The following SLC14A2 variants were observed in gnomAD, a reference collection of about 807,000 sequenced individuals.
SLC14A2 encodes urea transporter 2.
A neutral mutation model predicts 104.6 loss-of-function variants in SLC14A2; 91 were observed. The observed-to-expected ratio is 0.87, with a 90% confidence interval of 0.73 to 1.04. The LOEUF is 1.04. SLC14A2 is among the 50% of genes least tolerant of loss of function. The pLI is 0.00. For synonymous variants in SLC14A2, 476 were observed against 466.4 expected (o/e 1.02, Z -0.27); for missense variants, 1,189 against 1,156.0 (o/e 1.03, Z -0.41).
intron 2 of SLC14A2, among the ~76,000 whole-genome samples, chr18:45,585,155 C>G (rs910456095): frequency 6.7e-6 from 1 of 148,700 alleles, no homozygotes; most frequent in Non-Finnish European, 1.5e-5. Context: ...TCCTCCTCCT[C>G]CTTCCTGGGC....
intron 1 of SLC14A2, among the ~76,000 whole-genome samples, chr18:45,341,978 T>C (rs1197212144): frequency 6.6e-6 from 1 of 152,194 alleles, no homozygotes; most frequent in African/African-American, 2.4e-5. Flanking sequence ...CCTGGAGTTA[T>C]AGTGTTGTTC....
intron 2 of SLC14A2, among the ~76,000 whole-genome samples, chr18:45,508,008 G>A (rs933853723): frequency 3.3e-5 from 5 of 152,186 alleles, no homozygotes; most frequent in African/African-American, 1.2e-4. Flanking sequence ...TATAATGCAA[G>A]CTTAAAATAG....
chr18:45,635,723 AG>A (rs1318393521), intron 5 of SLC14A2, among the ~76,000 whole-genome samples: 5 of 152,208 alleles, frequency 3.3e-5, no homozygotes, highest in Non-Finnish European at 7.3e-5. Flanking sequence ...ATCAGGTTAA[AG>A]GGGGAAGATG....
chr18:45,673,720 C>G lies in SLC14A2; in HGVS notation c.2415C>G (p.Phe805Leu), dbSNP rs748825192. 1.4e-5 allele frequency: 22 copies of G among 1,614,030 alleles called. No individual in the cohort carries two copies. The East Asian group carries it at 4.9e-4, about 36-fold the overall frequency. ...CGACGCCCTTTGACTCCATCTACTT[C>G]GGCCTGTGTGGCTTCAACAGCACCC... Reference protein sequence around the residue: ...TIATPFDSIYFGLCGFNSTLA... With the variant: ...TIATPFDSIYLGLCGFNSTLA... The change falls in exon 18 of 20, where the codon TTC (phenylalanine) becomes TTG (leucine). Residue 805 changes from phenylalanine to leucine, a missense_variant. Transcript: ENST00000255226.
At chr18:45,625,916 A>G (rs1034855531) in intron 3 of SLC14A2, 53 bp downstream of exon 3, 24 of 1,296,046 alleles carry the variant, frequency 1.9e-5, no homozygotes, top group Admixed American at 3.7e-5. Context: ...CCAGAGAGAC[A>G]ACCCTCTCTC....
intron 5 of SLC14A2, chr18:45,634,776 T>C (rs1371382551): frequency 4.4e-6 from 2 of 456,422 alleles, no homozygotes; most frequent in South Asian, 3.1e-5. Context: ...TAGGCAGAGA[T>C]GTGATGGGAT....
chr18:45,578,921 C>A (rs898798059), intron 2 of SLC14A2, among the ~76,000 whole-genome samples: 1 of 152,210 alleles, frequency 6.6e-6, no homozygotes, highest in Non-Finnish European at 1.5e-5. Context: ...TGTCTGTGGG[C>A]AGCTAGAAGG....
chr18:45,634,273 G>A (rs942170815), intron 5 of SLC14A2, among the ~76,000 whole-genome samples: 2 of 152,188 alleles, frequency 1.3e-5, no homozygotes, highest in Admixed American at 6.5e-5. Flanking sequence ...TTGAGTGAAA[G>A]GTTGACCCTA....
In SLC14A2 at chr18:45,360,506, G is replaced by A. The variant is rs540099573; in HGVS notation, c.-124-122727G>A. Among the ~76,000 whole-genome samples the A allele has an allele frequency of 5.9e-5, 9 of 152,344 alleles. No homozygotes were observed. The South Asian group carries it at 1.9e-3, about 32-fold the overall frequency. ...CAAGCCACTCAGATCCTCAATGCCAGTTATAAGCAACATCCCATTTTCTAA... is the reference window on the plus strand; with the variant it reads ...CAAGCCACTCAGATCCTCAATGCCAATTATAAGCAACATCCCATTTTCTAA... On this transcript the variant is annotated intron_variant, in intron 1 of 20. Transcript: ENST00000586448.
intron 2 of SLC14A2, among the ~76,000 whole-genome samples, chr18:45,584,727 CTG>C (rs2044543472): frequency 6.6e-6 from 1 of 152,162 alleles, no homozygotes; most frequent in South Asian, 2.1e-4. Flanking sequence ...AGCTCTAGCT[CTG>C]TGTGAGCTAG....
Position 45,660,208 on chromosome 18 carries a change from ATAGT to A in SLC14A2, c.1352-3572_1352-3569del, listed in dbSNP as rs1416868221. ...CAAACTACAGTATACCACATTCATG[ATAGT>A]TAGTGGGGAGCCAAGCAAGGTAAAA... On this transcript the variant is annotated intron_variant, in intron 10 of 19. Transcript: ENST00000255226. Among the ~76,000 whole-genome samples the A allele has an allele frequency of 3.3e-5, 5 of 152,276 alleles. No individual in the cohort carries two copies. The East Asian group carries it at 7.7e-4, about 24-fold the overall frequency.
At chr18:45,227,945 G>C (rs1188154212) in intron 1 of SLC14A2, among the ~76,000 whole-genome samples, 1 of 152,178 alleles carries the variant, frequency 6.6e-6, no homozygotes, top group African/African-American at 2.4e-5. Flanking sequence ...GGAAAAAAAG[G>C]TTCTAAATTC....
intron 1 of SLC14A2, among the ~76,000 whole-genome samples, chr18:45,286,839 A>G (rs1223656147): frequency 6.6e-6 from 1 of 152,240 alleles, no homozygotes; most frequent in East Asian, 1.9e-4. Context: ...AACACCAAGC[A>G]TGCATTATTC....
intron 1 of SLC14A2, among the ~76,000 whole-genome samples, chr18:45,362,704 C>T (rs2085624679): frequency 6.6e-6 from 1 of 152,210 alleles, no homozygotes; most frequent in Non-Finnish European, 1.5e-5. Context: ...CTGTCCAAAG[C>T]AGGAAGCATA....
chr18:45,497,838 C>T (rs1005927393), intron 2 of SLC14A2, among the ~76,000 whole-genome samples: 2 of 152,170 alleles, frequency 1.3e-5, no homozygotes, highest in Non-Finnish European at 2.9e-5. Context: ...GAAAATGGCC[C>T]AATGACTCAG....
chr18:45,652,890 G>A (rs1380028333), intron 10 of SLC14A2, among the ~76,000 whole-genome samples: 1 of 152,082 alleles, frequency 6.6e-6, no homozygotes, highest in African/African-American at 2.4e-5. Flanking sequence ...TTTGGCTAAT[G>A]GAATGTGTAT....
rs1246552167 is a variant in SLC14A2, at chr18:45,305,575, C to A, written c.-125+92384C>A. Reference sequence around the variant, plus strand: ...TCTTTGTCACCAACCCTCCCCAGGTCTCCCTGACCCACCACCCATTCCACT... The same window carrying A: ...TCTTTGTCACCAACCCTCCCCAGGTATCCCTGACCCACCACCCATTCCACT... On this transcript the variant is annotated intron_variant, in intron 1 of 20. Transcript: ENST00000586448. Among the ~76,000 whole-genome samples, 4 of 152,324 alleles carry A rather than the reference C, an allele frequency of 2.6e-5. No individual in the cohort carries two copies. The South Asian group carries it at 8.3e-4, about 32-fold the overall frequency.
At chr18:45,357,494 GC>G (rs1346263399) in intron 1 of SLC14A2, among the ~76,000 whole-genome samples, 3 of 152,034 alleles carry the variant, frequency 2.0e-5, no homozygotes, top group Non-Finnish European at 2.9e-5. Context: ...ACATGCGTGA[GC>G]CCAGGAATTT....
At chr18:45,560,675 C>T (rs2044189154) in intron 2 of SLC14A2, among the ~76,000 whole-genome samples, 2 of 152,148 alleles carry the variant, frequency 1.3e-5, no homozygotes, top group Admixed American at 6.5e-5. Context: ...TAAAGCAATG[C>T]AAGAAACCCT....
Sources: allele counts gnomAD v4.1 joint callset (sites outside exome capture counted in the v4.1 genomes callset), GRCh38; gene constraint gnomAD v4.1.1; transcripts MANE v1.5; gene names NCBI Gene and HGNC (gene_info 2026-07-23, HGNC 2026-07-21).